FAT3: variants seen among roughly 807,000 people sequenced by gnomAD.
FAT3 encodes the protein FAT atypical cadherin 3, also known as protocadherin Fat 3.
In FAT3, 95 loss-of-function variants were observed where a neutral mutation model predicts 310.2. The ratio of observed to expected loss-of-function variants is 0.31; its 90% confidence interval spans 0.26 to 0.36. The LOEUF is 0.36. Ranked by LOEUF, FAT3 falls within the 10% of genes least tolerant of loss-of-function variation. The probability of loss-of-function intolerance (pLI) is 1.00; values close to 1 mark genes in which losing one functional copy is unlikely to be tolerated. For synonymous variants in FAT3, 2,314 were observed against 2,192.9 expected (o/e 1.06, Z -1.54); for missense variants, 5,408 against 5,715.6 (o/e 0.95, Z 1.74).
chr11:92,330,898 A>C, intron 1 of FAT3, among the ~76,000 whole-genome samples: 1 of 151,480 alleles, frequency 6.6e-6, no homozygotes, highest in South Asian at 2.1e-4. Context: ...CATTGACTTT[A>C]GTTTGCAAAT....
chr11:92,573,739 AG>A (rs1389758274), intron 3 of FAT3, among the ~76,000 whole-genome samples: 1 of 152,068 alleles, frequency 6.6e-6, no homozygotes, highest in Non-Finnish European at 1.5e-5. Context: ...AGCTGCCAGA[AG>A]GTAGGAGAGA....
chr11:92,469,519 G>A (rs1951855659), intron 2 of FAT3, among the ~76,000 whole-genome samples: 1 of 151,612 alleles, frequency 6.6e-6, no homozygotes, highest in Non-Finnish European at 1.5e-5. Context: ...TCTAATTTGT[G>A]ATTTTTTTTT....
At chr11:92,615,074 G>A (rs1054200316) in intron 3 of FAT3, among the ~76,000 whole-genome samples, 1 of 152,132 alleles carries the variant, frequency 6.6e-6, no homozygotes, top group Non-Finnish European at 1.5e-5. Context: ...GTCTATTCTA[G>A]TGCTAGTACA....
chr11:92,538,462 A>G (rs971619384), intron 3 of FAT3, among the ~76,000 whole-genome samples: 2 of 152,214 alleles, frequency 1.3e-5, no homozygotes, highest in Non-Finnish European at 2.9e-5. Flanking sequence ...ACTGTATTTT[A>G]TAAAGCACTT....
intron 6 of FAT3, among the ~76,000 whole-genome samples, chr11:92,767,235 G>C (rs1039140543): frequency 2.1e-5 from 3 of 146,014 alleles, no homozygotes; most frequent in African/African-American, 7.6e-5. Context: ...CTGGGCAACA[G>C]AGCAAGACTC....
At chr11:92,795,404 A>G (rs779972101) in intron 9 of FAT3, among the ~76,000 whole-genome samples, 1 of 152,158 alleles carries the variant, frequency 6.6e-6, no homozygotes, top group Non-Finnish European at 1.5e-5. Context: ...AAAATCTACA[A>G]GAGGCCATAG....
chr11:92,528,588 G>T (rs879596489), intron 3 of FAT3, among the ~76,000 whole-genome samples: 2 of 152,118 alleles, frequency 1.3e-5, no homozygotes, highest in Non-Finnish European at 2.9e-5. Context: ...GGGTTTCATC[G>T]TGTTAGCCAG....
intron 24 of FAT3, among the ~76,000 whole-genome samples, chr11:92,884,030 G>A (rs1475863472): frequency 6.6e-6 from 1 of 151,872 alleles, no homozygotes; most frequent in African/African-American, 2.4e-5. Context: ...AAACAAGAGG[G>A]GGATCCACAA....
intron 1 of FAT3, among the ~76,000 whole-genome samples, chr11:92,261,062 T>C (rs1409253935): frequency 6.6e-6 from 1 of 152,116 alleles, no homozygotes. Flanking sequence ...CATTTATTCA[T>C]ATTTTAAAAT....
intron 2 of FAT3, among the ~76,000 whole-genome samples, chr11:92,418,217 C>T (rs1045033025): frequency 2.0e-5 from 3 of 152,044 alleles, no homozygotes; most frequent in African/African-American, 7.2e-5. Context: ...TGGAAAATTT[C>T]CTTATACTGG....
chr11:92,565,997 C>T (rs918989345), intron 3 of FAT3, among the ~76,000 whole-genome samples: 2 of 152,178 alleles, frequency 1.3e-5, no homozygotes, highest in Admixed American at 1.3e-4. Context: ...TGCCCTCTCT[C>T]ACCACTCCTA....
At chr11:92,416,019 T>A (rs1950402027) in intron 2 of FAT3, among the ~76,000 whole-genome samples, 1 of 147,864 alleles carries the variant, frequency 6.8e-6, no homozygotes, top group Admixed American at 6.8e-5. Context: ...TTAAACCCTG[T>A]TCCACGTGAT....
chr11:92,593,898 T>C (rs538511033), intron 3 of FAT3, among the ~76,000 whole-genome samples: 6 of 152,294 alleles, frequency 3.9e-5, no homozygotes, highest in African/African-American at 1.4e-4. Flanking sequence ...GTTATTTCAG[T>C]CACATATGTT....
chr11:92,502,585 A>G (rs1952973636), intron 2 of FAT3, among the ~76,000 whole-genome samples: 1 of 152,134 alleles, frequency 6.6e-6, no homozygotes, highest in African/African-American at 2.4e-5. Context: ...CATGTGAAGC[A>G]GAAGAGGCTG....
intron 4 of FAT3, among the ~76,000 whole-genome samples, chr11:92,733,321 TG>T (rs916892912): frequency 6.6e-6 from 1 of 151,740 alleles, no homozygotes; most frequent in African/African-American, 2.4e-5. Context: ...GCTGAAGCCT[TG>T]TACATGAAAG....
chr11:92,553,908 T>A (rs1954914425), intron 3 of FAT3, among the ~76,000 whole-genome samples: 1 of 151,670 alleles, frequency 6.6e-6, no homozygotes, highest in Non-Finnish European at 1.5e-5. Context: ...CAGGTTCAAG[T>A]GGTTCTCCTG....
chr11:92,544,297 G>T (rs1331587670), intron 3 of FAT3, among the ~76,000 whole-genome samples: 1 of 152,094 alleles, frequency 6.6e-6, no homozygotes, highest in East Asian at 1.9e-4. Context: ...CCTGGTGTTC[G>T]ATAGATTGTA....
At chr11:92,281,698 A>G (rs1946427036) in intron 1 of FAT3, among the ~76,000 whole-genome samples, 1 of 152,214 alleles carries the variant, frequency 6.6e-6, no homozygotes, top group South Asian at 2.1e-4. Flanking sequence ...ATAAATGAGA[A>G]ACAAAGGCTT....
chr11:92,546,997 C>G (rs1192384417), intron 3 of FAT3, among the ~76,000 whole-genome samples: 1 of 152,180 alleles, frequency 6.6e-6, no homozygotes, highest in Admixed American at 6.5e-5. Flanking sequence ...AGACGATTCA[C>G]ATAATACGTA....
Sources: gnomAD v4.1 joint callset for allele counts (sites outside exome capture counted in the v4.1 genomes callset) on GRCh38, gnomAD v4.1.1 for gene constraint, MANE v1.5 for transcripts, NCBI Gene and HGNC (gene_info 2026-07-23, HGNC 2026-07-21) for gene names.